SETD1A: variants seen among roughly 807,000 people sequenced by gnomAD.
SETD1A encodes SET domain containing 1A, histone lysine methyltransferase, also known as histone-lysine N-methyltransferase SETD1A.
Under a neutral mutation model 149.9 loss-of-function variants are expected in SETD1A, and 29 were observed. The observed-to-expected ratio is 0.19, with a 90% CI of 0.14 to 0.26. SETD1A has a LOEUF of 0.26. Ranked by LOEUF, SETD1A falls within the 10% of genes least tolerant of loss-of-function variation. SETD1A has a pLI of 1.00. For missense variants in SETD1A, 2,109 were observed against 2,353.1 expected (o/e 0.90, Z 2.15); for synonymous variants, 1,141 against 968.5 (o/e 1.18, Z -3.31).
At chr16:30,958,955 A>G in intron 2 of SETD1A, 74 bp downstream of exon 2, 3 of 1,571,306 alleles carry the variant, frequency 1.9e-6, no homozygotes, top group Middle Eastern at 1.7e-4. Flanking sequence ...TTCAGCACCT[A>G]GAACGGTAGC....
At position 30,971,505 on chromosome 16, in the gene SETD1A, G is replaced by GTCCTCA. The variant is rs763244440; in HGVS notation, c.3150_3155dup (p.Ser1057_Ser1058dup). On this transcript the variant is annotated inframe_insertion, in exon 13 of 19. Coordinates refer to ENST00000262519, the MANE Select transcript of SETD1A (RefSeq NM_014712.3). Reference sequence around the variant, plus strand: ...GCTCCTCATCCTCCTCCTCCTCCTCGTCCTCATCCTCCTCGTCCTCTTCAT... The same window carrying GTCCTCA: ...GCTCCTCATCCTCCTCCTCCTCCTCGTCCTCATCCTCATCCTCCTCGTCCTCTTCAT... The GTCCTCA allele has an allele frequency of 7.9e-5, 127 of 1,613,124 alleles. No individual in the cohort carries two copies. The highest frequency in any genetic ancestry group is 9.7e-5 in the Non-Finnish European group (114 of 1,179,698).
chr16:30,961,366 A>C lies in SETD1A; in HGVS notation c.346A>C (p.Lys116Gln). The C allele has an allele frequency of 6.2e-7, 1 of 1,614,240 alleles. No individual in the cohort carries two copies. Among genetic ancestry groups the C allele is most frequent in the Non-Finnish European group, 8.5e-7 (1 of 1,180,042 alleles). ...RETFLKDMCRKYGEVEEVEIL... is the reference protein window; with the variant it reads ...RETFLKDMCRQYGEVEEVEIL... Reference sequence around the variant, plus strand: ...GACCTTCCTGAAGGATATGTGCCGTAAGTACGGTGAGGTGGAAGAGGTAGA... The same window carrying C: ...GACCTTCCTGAAGGATATGTGCCGTCAGTACGGTGAGGTGGAAGAGGTAGA... Residue 116 changes from lysine to glutamine, a missense_variant, in exon 4 of 19, where the codon AAG becomes CAG. This residue lies in a region of SETD1A where 62 missense variants were observed against 149.5 expected (regional missense o/e 0.41). Transcript: ENST00000262519. This position sits in a 1 kb window ranked among gnomAD's most constrained non-coding sequence, Gnocchi z 4.0.
At chr16:30,967,610 G>A (rs1187245819) in intron 10 of SETD1A, 22 bp downstream of exon 10, 1 of 1,603,930 alleles carries the variant, frequency 6.2e-7, no homozygotes, top group Non-Finnish European at 8.5e-7. Flanking sequence ...CAGGCATAAG[G>A]AGAAGGGGTG....
intron 3 of SETD1A, among the ~76,000 whole-genome samples, chr16:30,959,398 C>CT (rs2056015154): frequency 6.6e-6 from 1 of 152,160 alleles, no homozygotes; most frequent in African/African-American, 2.4e-5. Context: ...TCCCTGGTGG[C>CT]TGGGGTGTCG....
chr16:30,968,422 A>G (rs1367373250), intron 10 of SETD1A, among the ~76,000 whole-genome samples: 5 of 1,596 alleles, frequency 3.1e-3, no homozygotes, highest in South Asian at 0.033. Context: ...AAAAATACAT[A>G]TATATATATA....
At position 30,965,392 on chromosome 16, in the gene SETD1A, T is replaced by C; in HGVS notation, c.1650T>C (p.Asp550=). 6.2e-7 allele frequency: 1 copy of C among 1,606,700 alleles called. No homozygotes were observed. Among genetic ancestry groups the C allele is most frequent in the Non-Finnish European group, 8.5e-7 (1 of 1,175,400 alleles). Residue 550 remains aspartate, a synonymous_variant, in exon 7 of 19, where the codon GAT becomes GAC. Coordinates refer to ENST00000262519, the MANE Select transcript of SETD1A (RefSeq NM_014712.3). The part of the protein sequence containing the change: ...TPPPAPANFE[D]VAPTGSGEPG... ...CTCCGGCCCCAGCTAATTTTGAGGA[T>C]GTGGCACCTACAGGGAGCGGGGAGC...
intron 6 of SETD1A, 141 bp from the exon 7 acceptor site, chr16:30,964,470 CG>C: frequency 7.0e-7 from 1 of 1,433,858 alleles, no homozygotes; most frequent in Admixed American, 2.0e-5. Flanking sequence ...TTGCTGTCCT[CG>C]GGGAACACAC....
At position 30,965,319 on chromosome 16, in the gene SETD1A, C is replaced by G. The variant is rs545733263; in HGVS notation, c.1577C>G (p.Thr526Arg). Residue 526 changes from threonine to arginine, a missense_variant, in exon 7 of 19, where the codon ACA (threonine) becomes AGA (arginine). Physicochemically the swap from Thr to Arg is moderately conservative, Grantham distance 71 (BLOSUM62 -1). Transcript: ENST00000262519. ...NSSMVLGARD[T>R]GSEVPSGSGH... ...AGCATGGTCCTTGGGGCCAGAGATA[C>G]AGGGAGTGAGGTGCCTTCTGGGTCA... 19 of 1,614,214 alleles carry G rather than the reference C, an allele frequency of 1.2e-5. No individual in the cohort carries two copies. In the South Asian group the frequency reaches 2.1e-4, roughly 18 times the overall value.
In SETD1A at chr16:30,967,079, T is replaced by G; in HGVS notation, c.2682+19T>G. 1 of 1,552,318 alleles carries G rather than the reference T, an allele frequency of 6.4e-7. No homozygotes were observed. Among genetic ancestry groups the G allele is most frequent in the Non-Finnish European group, 8.7e-7 (1 of 1,148,444 alleles). ...ATTCAAGGTACTCAGAACTGTCGTT[T>G]TGTGGGGTAGGGTGGGGAGAGGGAG... On this transcript the variant is annotated intron_variant, in intron 9 of 18. Transcript: ENST00000262519.
chr16:30,964,981 GC>G lies in SETD1A; in HGVS notation c.1245del (p.Glu416SerfsTer81). The G allele has an allele frequency of 6.2e-7, 1 of 1,613,748 alleles. No individual in the cohort carries two copies. On this transcript the variant is annotated frameshift_variant, in exon 7 of 19. Transcript: ENST00000262519. LOFTEE classifies it high-confidence loss of function. ...TCCCACCTTCTTACACCTCCTACCT[GC>G]CCCCCGAGCCCAGCCGGCCCACCGA... Reference protein sequence around the residue: ...RFPPSYTSYLPPEPSRPTDQD... With the variant: ...RFPPSYTSYLXPEPSRPTDQD...
chr16:30,970,316 G>A (rs925522301), intron 12 of SETD1A, among the ~76,000 whole-genome samples: 4 of 148,354 alleles, frequency 2.7e-5, no homozygotes, highest in Non-Finnish European at 5.9e-5. Flanking sequence ...CACCCAGGCT[G>A]GAGTGCAGTG....
In SETD1A at chr16:30,979,850, A is replaced by T. The variant is rs1256097258; in HGVS notation, c.4064A>T (p.Gln1355Leu). The change falls in exon 14 of 19, where the codon CAG (glutamine) becomes CTG (leucine). Residue 1355 changes from glutamine to leucine, a missense_variant. Gln to Leu is a moderately radical substitution (Grantham distance 113). This residue lies in a region of SETD1A where 832 missense variants were observed against 815.6 expected (regional missense o/e 1.02). Transcript: ENST00000262519. Reference protein sequence around the residue: ...EAEEPKPQQLQQQREEGEEEG... With the variant: ...EAEEPKPQQLLQQREEGEEEG... ...GAGGAGCCCAAGCCGCAGCAACTGC[A>T]GCAGCAGCGGGAGGAGGGCGAAGAG... The T allele has an allele frequency of 1.9e-6, 3 of 1,544,738 alleles. No homozygotes were observed. Among genetic ancestry groups the T allele is most frequent in the Non-Finnish European group, 8.7e-7 (1 of 1,151,210 alleles).
rs1186025583 is a variant in SETD1A, at chr16:30,966,142, TGGCAGCCGA to T, written c.2263_2271del (p.Ala755_Glu757del). 3 of 1,604,572 alleles carry T rather than the reference TGGCAGCCGA, an allele frequency of 1.9e-6. No individual in the cohort carries two copies. The highest frequency in any genetic ancestry group is 2.6e-6 in the Non-Finnish European group (3 of 1,174,892). On this transcript the variant is annotated inframe_deletion, in exon 8 of 19. Coordinates refer to ENST00000262519, the MANE Select transcript of SETD1A (RefSeq NM_014712.3). ...GAGGCCTACCACCTGCCCATGCCAA[TGGCAGCCGA>T]GCCCCTGCCCTCCTCCTCAGTCTCG...
At position 30,965,369 on chromosome 16, in the gene SETD1A, C is replaced by G; in HGVS notation, c.1627C>G (p.Pro543Ala). Residue 543 changes from proline to alanine, a missense_variant, in exon 7 of 19, where the codon CCG (proline) becomes GCG (alanine). Around this residue, in one of 8 missense-constraint regions of SETD1A, gnomAD observed 431 missense variants for 388.6 expected, o/e 1.11. Coordinates refer to ENST00000262519, the MANE Select transcript of SETD1A (RefSeq NM_014712.3). ...GSGHGPCTPP[P>A]APANFEDVAP... is the part of the protein sequence containing the mutation. Reference sequence around the variant, plus strand: ...AGGGCATGGGCCCTGCACACCCCCTCCGGCCCCAGCTAATTTTGAGGATGT... The same window carrying G: ...AGGGCATGGGCCCTGCACACCCCCTGCGGCCCCAGCTAATTTTGAGGATGT... 6.2e-7 allele frequency: 1 copy of G among 1,611,506 alleles called. No individual in the cohort carries two copies. Among genetic ancestry groups the G allele is most frequent in the Non-Finnish European group, 8.5e-7 (1 of 1,177,828 alleles).
At chr16:30,960,155 CCTTGCCTTCGTT>C (rs2056030047) in intron 3 of SETD1A, among the ~76,000 whole-genome samples, 2 of 152,136 alleles carry the variant, frequency 1.3e-5, no homozygotes, top group South Asian at 4.1e-4. Context: ...CACCTGGTCT[CCTTGCCTTCGTT>C]CTTGCCTCAG....
In SETD1A at chr16:30,965,282, G is replaced by A. The variant is rs1484491186; in HGVS notation, c.1540G>A (p.Glu514Lys). Residue 514 changes from glutamate (E) to lysine (K), a missense_variant, in exon 7 of 19, where the codon GAA becomes AAA. By Grantham distance (56) the Glu-to-Lys change is moderately conservative. This residue lies in a region of SETD1A where 23 missense variants were observed against 48.7 expected (regional missense o/e 0.47). Transcript: ENST00000262519. ...CTTGGCCTCTGACACAGAGGAGGAG[G>A]AAGAGAACAGCAGCATGGTCCTTGG... ...SFLASDTEEE[E>K]ENSSMVLGAR... 6.2e-7 allele frequency: 1 copy of A among 1,614,258 alleles called. No homozygotes were observed. Among genetic ancestry groups the A allele is most frequent in the Non-Finnish European group, 8.5e-7 (1 of 1,180,042 alleles).
rs548790862 is a variant in SETD1A, at chr16:30,970,370, C to T, written c.3016+681C>T. 2.8e-4 allele frequency among the ~76,000 whole-genome samples: 42 copies of T among 151,206 alleles called. No individual in the cohort carries two copies. In the South Asian group the frequency reaches 6.9e-3, roughly 25 times the overall value. The stretch of plus-strand genomic sequence containing the variant: ...GCAACCTCCGCCTCCCTGGTTCCAG[C>T]GATTTTCCTGCCTCAGCCTCCCAAA... On this transcript the variant is annotated intron_variant, in intron 12 of 18. Transcript: ENST00000262519.
chr16:30,978,849 CTTG>C (rs1363450989), intron 13 of SETD1A, among the ~76,000 whole-genome samples: 1 of 152,188 alleles, frequency 6.6e-6, no homozygotes, highest in Non-Finnish European at 1.5e-5. Context: ...GTGGTTACAG[CTTG>C]TTGTGATGGT....
intron 2 of SETD1A, 36 bp downstream of exon 2, chr16:30,958,917 C>T (rs1324581847): frequency 5.0e-6 from 8 of 1,611,382 alleles, no homozygotes; most frequent in Admixed American, 1.7e-5. Context: ...ATCCGGGGAG[C>T]TCCAGGCGCC....
Sources: allele counts gnomAD v4.1 joint callset (sites outside exome capture counted in the v4.1 genomes callset), GRCh38; gene constraint gnomAD v4.1.1; regional missense constraint gnomAD v4.1.1; non-coding constraint Gnocchi (gnomAD v3.1); transcripts MANE v1.5; gene names NCBI Gene and HGNC (gene_info 2026-07-23, HGNC 2026-07-21).